Variants in PTPRM observed in about 807,000 individuals in gnomAD.
The protein encoded by PTPRM is receptor-type tyrosine-protein phosphatase mu.
In PTPRM, 47 loss-of-function variants were observed where a neutral mutation model predicts 186.7. That is an observed-to-expected ratio of 0.25 (90% confidence interval 0.20 to 0.32). The LOEUF (loss-of-function observed/expected upper bound fraction) is 0.32. Ranked by LOEUF, PTPRM falls within the 10% of genes least tolerant of loss-of-function variation. The probability of loss-of-function intolerance (pLI) is 1.00; values close to 1 mark genes in which losing one functional copy is unlikely to be tolerated. For missense variants in PTPRM, 1,494 were observed against 1,865.0 expected, an observed-to-expected ratio of 0.80 and a Z score of 3.66; for synonymous variants, 668 against 674.9, an observed-to-expected ratio of 0.99 and a Z score of 0.16.
At chr18:7,876,760 T>G (rs980349365) in intron 2 of PTPRM, among the ~76,000 whole-genome samples, 3 of 152,212 alleles carry the variant, frequency 2.0e-5, no homozygotes, top group Non-Finnish European at 2.9e-5. Flanking sequence ...AGATATTATT[T>G]ATATATATAC....
At chr18:7,796,612 C>T (rs1489001837) in intron 2 of PTPRM, among the ~76,000 whole-genome samples, 2 of 152,208 alleles carry the variant, frequency 1.3e-5, no homozygotes, top group Non-Finnish European at 2.9e-5. Flanking sequence ...CCAAATGCCA[C>T]AGTCCTCTGA....
intron 32 of PTPRM, chr18:8,403,551 A>C (rs1330548100): frequency 6.6e-6 from 1 of 152,210 alleles, no homozygotes; most frequent in Non-Finnish European, 1.5e-5. Flanking sequence ...ATACCCATGT[A>C]ATAAACAAGC....
intron 1 of PTPRM, chr18:7,741,197 T>G (rs953860761): frequency 1.3e-5 from 2 of 152,192 alleles, no homozygotes; most frequent in African/African-American, 4.8e-5. Context: ...ATGAGAAACC[T>G]TCTGAAAAAT....
chr18:8,038,380 AT>A (rs10708528), intron 7 of PTPRM, among the ~76,000 whole-genome samples: 20,264 of 124,258 alleles, frequency 0.16, 1,372 homozygotes, highest in Middle Eastern at 0.36. Context: ...TAGCTTTTAG[AT>A]TTTTTTTTTT....
intron 2 of PTPRM, among the ~76,000 whole-genome samples, chr18:7,802,805 C>T (rs1209188427): frequency 1.3e-5 from 2 of 152,108 alleles, no homozygotes; most frequent in Non-Finnish European, 2.9e-5. Context: ...ATTCACTCAA[C>T]AAATGATTAT....
rs932494504 is a variant in PTPRM at position 8,171,854 on chromosome 18, C to T, written c.2300+28075C>T. 2.6e-5 allele frequency among the ~76,000 whole-genome samples: 4 copies of T among 152,106 alleles called. 1 individual carries two copies. The highest frequency in any genetic ancestry group is 1.9e-4 in the East Asian group (1 of 5,192). On this transcript the variant is annotated intron_variant, in intron 14 of 32. Coordinates refer to ENST00000580170, the MANE Select transcript of PTPRM (RefSeq NM_001105244.2). ...GTTAGCCTAGCCTCCCTTAAATGTGCTCAGAACACTTAGGTTAGCCTAAGT... is the reference window on the plus strand; with the variant it reads ...GTTAGCCTAGCCTCCCTTAAATGTGTTCAGAACACTTAGGTTAGCCTAAGT...
At chr18:8,380,165 T>C in intron 28 of PTPRM, 131 bp from the exon 29 acceptor site, 1 of 933,254 alleles carries the variant, frequency 1.1e-6, no homozygotes. Flanking sequence ...CTGACAATGG[T>C]GACAGAATTC....
rs2094455423 is a variant in PTPRM at position 8,244,029 on chromosome 18, G to A, written c.2301-29G>A. 3 of 1,595,212 alleles carry A rather than the reference G, an allele frequency of 1.9e-6. No homozygotes were observed. The East Asian group carries it at 6.7e-5, about 36-fold the overall frequency. ...AGCTCTGTATCCCGTTCAAATGCAT[G>A]CCTACATAATTGAATTCTTTATCCT... is the stretch of plus-strand genomic sequence containing the variant. On this transcript the variant is annotated intron_variant, in intron 14 of 32. Transcript: ENST00000580170.
At chr18:7,713,781 G>T (rs947923572) in intron 1 of PTPRM, among the ~76,000 whole-genome samples, 1 of 151,646 alleles carries the variant, frequency 6.6e-6, no homozygotes, top group Non-Finnish European at 1.5e-5. Flanking sequence ...AGACACGAAG[G>T]GCATTACATA....
chr18:8,214,912 T>G (rs2094058781), intron 14 of PTPRM, among the ~76,000 whole-genome samples: 1 of 152,218 alleles, frequency 6.6e-6, no homozygotes, highest in Non-Finnish European at 1.5e-5. Flanking sequence ...ATCTGCCCCC[T>G]TGGCCTCCCA....
intron 8 of PTPRM, among the ~76,000 whole-genome samples, chr18:8,072,462 A>G (rs1361204032): frequency 6.6e-6 from 1 of 152,154 alleles, no homozygotes; most frequent in Non-Finnish European, 1.5e-5. Flanking sequence ...TTCCTAGCAC[A>G]CTAGCGTTTC....
chr18:7,638,245 A>G (rs2144147197), intron 1 of PTPRM, among the ~76,000 whole-genome samples: 1 of 152,344 alleles, frequency 6.6e-6, no homozygotes, highest in African/African-American at 2.4e-5. Context: ...AGAAAGCATT[A>G]TATCTGTAAG....
At chr18:7,974,355 G>A (rs763310118) in intron 7 of PTPRM, among the ~76,000 whole-genome samples, 2 of 152,142 alleles carry the variant, frequency 1.3e-5, no homozygotes, top group African/African-American at 2.4e-5. Context: ...TTCTCCATTG[G>A]TGTGCAGTGT....
At chr18:8,330,180 C>T (rs1412847806) in intron 22 of PTPRM, among the ~76,000 whole-genome samples, 1 of 152,152 alleles carries the variant, frequency 6.6e-6, no homozygotes, top group African/African-American at 2.4e-5. Context: ...AAGTGCAGCC[C>T]TAGAACCACT....
At chr18:8,090,470 C>T (rs944787430) in intron 11 of PTPRM, among the ~76,000 whole-genome samples, 2 of 152,176 alleles carry the variant, frequency 1.3e-5, no homozygotes, top group Non-Finnish European at 1.5e-5. Flanking sequence ...AGCCAGTTAT[C>T]CCATGGTACT....
At chr18:7,649,538 A>C (rs1373448181) in intron 1 of PTPRM, among the ~76,000 whole-genome samples, 1 of 152,310 alleles carries the variant, frequency 6.6e-6, no homozygotes, top group East Asian at 1.9e-4. Context: ...ACATATCAGC[A>C]GGAGTGTAAT....
chr18:8,014,674 G>T (rs2084748644), intron 7 of PTPRM, among the ~76,000 whole-genome samples: 1 of 152,104 alleles, frequency 6.6e-6, no homozygotes, highest in Non-Finnish European at 1.5e-5. Flanking sequence ...TTGTAGATGG[G>T]TCTAAATTAA....
intron 1 of PTPRM, among the ~76,000 whole-genome samples, chr18:7,725,800 G>T (rs1460358116): frequency 6.6e-6 from 1 of 152,100 alleles, no homozygotes; most frequent in Non-Finnish European, 1.5e-5. Context: ...AAAATCCCTT[G>T]CATTTACTGT....
intron 2 of PTPRM, among the ~76,000 whole-genome samples, chr18:7,798,784 C>T (rs894186301): frequency 6.6e-6 from 1 of 152,190 alleles, no homozygotes; most frequent in Non-Finnish European, 1.5e-5. Context: ...TATGGAAACT[C>T]ACATTCCCCA....
Sources: gnomAD v4.1 joint callset for allele counts (sites outside exome capture counted in the v4.1 genomes callset) on GRCh38, gnomAD v4.1.1 for gene constraint, MANE v1.5 for transcripts, NCBI Gene and HGNC (gene_info 2026-07-23, HGNC 2026-07-21) for gene names.